PRCC: variants seen among roughly 807,000 people sequenced by gnomAD.
PRCC encodes proline rich mitotic checkpoint control factor, also known as proline-rich protein PRCC.
PRCC carries 10 observed loss-of-function variants against 44.0 expected under a neutral mutation model. The ratio of observed to expected loss-of-function variants is 0.23; its 90% CI spans 0.14 to 0.39. PRCC has a LOEUF of 0.39. Ranked by LOEUF, PRCC falls within the 10% of genes least tolerant of loss-of-function variation. PRCC has a pLI of 1.00. For synonymous variants in PRCC, 278 were observed against 259.5 expected (o/e 1.07, Z -0.69); for missense variants, 573 against 624.7 (o/e 0.92, Z 0.88).
chr1:156,769,651 G>A (rs182643810), intron 1 of PRCC, among the ~76,000 whole-genome samples: 1 of 151,898 alleles, frequency 6.6e-6, no homozygotes, highest in East Asian at 1.9e-4. Flanking sequence ...CCAGGCTGCA[G>A]TGCAGTGGCA....
intron 3 of PRCC, chr1:156,791,224 C>A: frequency 8.5e-7 from 1 of 1,176,428 alleles, no homozygotes; most frequent in Non-Finnish European, 1.2e-6. Flanking sequence ...CCTCCCCACC[C>A]GGTTTAGACT....
Position 156,786,906 on chromosome 1 carries a change from C to T in PRCC, c.815C>T (p.Ala272Val), listed in dbSNP as rs776432747. Reference sequence around the variant, plus strand: ...GAAGACGACAGTGATGAGGAAGTAGCCCCCGAAAACTTTTTCTCCCTCCCT... The same window carrying T: ...GAAGACGACAGTGATGAGGAAGTAGTCCCCGAAAACTTTTTCTCCCTCCCT... ...QEEDDSDEEV[A>V]PENFFSLPEK... The change falls in exon 3 of 7, where the codon GCC becomes GTC. Residue 272 changes from alanine to valine, a missense_variant. Coordinates refer to ENST00000271526, the MANE Select transcript of PRCC (RefSeq NM_005973.5). 2 of 1,614,080 alleles carry T rather than the reference C, an allele frequency of 1.2e-6. No individual in the cohort carries two copies. The highest frequency in any genetic ancestry group is 1.7e-5 in the Admixed American group (1 of 60,006).
At chr1:156,774,160 T>TTTG (rs2102754159) in intron 1 of PRCC, among the ~76,000 whole-genome samples, 1 of 27,000 alleles carries the variant, frequency 3.7e-5, no homozygotes, top group African/African-American at 1.3e-4. Flanking sequence ...GAGTCACCTT[T>TTTG]TTTTTTTTTT....
intron 2 of PRCC, among the ~76,000 whole-genome samples, chr1:156,785,437 T>C (rs1016327151): frequency 8.6e-5 from 13 of 151,418 alleles, no homozygotes; most frequent in African/African-American, 2.9e-4. Context: ...TGCTTGAACC[T>C]GGGAGGCGGA....
intron 1 of PRCC, among the ~76,000 whole-genome samples, chr1:156,771,947 T>A (rs1651651876): frequency 6.6e-6 from 1 of 152,184 alleles, no homozygotes; most frequent in Non-Finnish European, 1.5e-5. Context: ...ATTCATTTTT[T>A]AAAAAATTTG....
intron 1 of PRCC, among the ~76,000 whole-genome samples, chr1:156,773,177 C>A (rs991771725): frequency 6.6e-6 from 1 of 152,006 alleles, no homozygotes; most frequent in African/African-American, 2.4e-5. Context: ...GCTTAGGGGG[C>A]GTCTGTTCTT....
chr1:156,786,717 C>G lies in PRCC; in HGVS notation c.626C>G (p.Ser209Trp). The change falls in exon 3 of 7, where the codon TCG becomes TGG. Residue 209 changes from serine to tryptophan, a missense_variant. Ser to Trp is a radical substitution (Grantham distance 177). Coordinates refer to ENST00000271526, the MANE Select transcript of PRCC (RefSeq NM_005973.5). ...LLPHAFSRKPSDGSPDTKPSR... is the reference protein window; with the variant it reads ...LLPHAFSRKPWDGSPDTKPSR... ...CCCCATGCCTTCTCCCGCAAACCCTCGGATGGCTCCCCTGATACTAAGCCC... is the reference window on the plus strand; with the variant it reads ...CCCCATGCCTTCTCCCGCAAACCCTGGGATGGCTCCCCTGATACTAAGCCC... 3 of 1,614,190 alleles carry G rather than the reference C, an allele frequency of 1.9e-6. No homozygotes were observed. Among genetic ancestry groups the G allele is most frequent in the Non-Finnish European group, 2.5e-6 (3 of 1,180,036 alleles).
At chr1:156,774,875 C>T (rs1238786317) in intron 1 of PRCC, among the ~76,000 whole-genome samples, 1 of 150,650 alleles carries the variant, frequency 6.6e-6, no homozygotes, top group African/African-American at 2.5e-5. Flanking sequence ...TGCTTGAACC[C>T]GGAAGGCAGA....
chr1:156,787,446 GATTGAT>G (rs1333330446), intron 3 of PRCC, among the ~76,000 whole-genome samples: 11 of 111,800 alleles, frequency 9.8e-5, no homozygotes, highest in African/African-American at 4.2e-4. Flanking sequence ...ACATATTTGT[GATTGAT>G]ATATATATAT....
intron 2 of PRCC, among the ~76,000 whole-genome samples, chr1:156,785,657 T>C (rs1439405701): frequency 1.3e-5 from 2 of 151,776 alleles, no homozygotes; most frequent in East Asian, 3.9e-4. Context: ...AGGAGAGCAA[T>C]TTAAAGGGTT....
intron 1 of PRCC, among the ~76,000 whole-genome samples, chr1:156,779,124 ATATATTTTTTTTTTTTTTTTT>A (rs1266515284): frequency 1.2e-4 from 3 of 25,186 alleles, no homozygotes; most frequent in African/African-American, 3.2e-4. Flanking sequence ...ATATATATAT[ATATATTTTTTTTTTTTTTTTT>A]TTTTTTTTTT....
At position 156,786,868 on chromosome 1, in the gene PRCC, G is replaced by T. The variant is rs1652265086; in HGVS notation, c.777G>T (p.Gln259His). 1 of 1,614,228 alleles carries T rather than the reference G, an allele frequency of 6.2e-7. No individual in the cohort carries two copies. The highest frequency in any genetic ancestry group is 8.5e-7 in the Non-Finnish European group (1 of 1,180,046). ...AKSAALQVTK[Q>H]ITQEEDDSDE... ...GTGCTGCCCTGCAGGTGACAAAGCAGATCACGCAGGAAGAAGACGACAGTG... is the reference window on the plus strand; with the variant it reads ...GTGCTGCCCTGCAGGTGACAAAGCATATCACGCAGGAAGAAGACGACAGTG... The change falls in exon 3 of 7, where the codon CAG (glutamine) becomes CAT (histidine). Residue 259 changes from glutamine to histidine, a missense_variant. Gln to His is a conservative substitution (Grantham distance 24, BLOSUM62 0). Coordinates refer to ENST00000271526, the MANE Select transcript of PRCC (RefSeq NM_005973.5).
At chr1:156,768,919 C>G (rs1162813682) in intron 1 of PRCC, among the ~76,000 whole-genome samples, 2 of 152,274 alleles carry the variant, frequency 1.3e-5, no homozygotes, top group Middle Eastern at 3.4e-3. Flanking sequence ...CTCTCTGAAC[C>G]TCAGATCTGT....
chr1:156,781,876 A>T (rs1652062904), intron 1 of PRCC, among the ~76,000 whole-genome samples: 1 of 152,230 alleles, frequency 6.6e-6, no homozygotes, highest in South Asian at 2.1e-4. Context: ...TGAAGCTGAG[A>T]TTGGGTGAGG....
intron 3 of PRCC, chr1:156,791,108 C>T: frequency 7.1e-7 from 1 of 1,417,442 alleles, no homozygotes; most frequent in Non-Finnish European, 9.5e-7. Context: ...TAAGGGGAAT[C>T]ATGAGATTCC....
chr1:156,797,515 A>G (rs1229948468), intron 6 of PRCC, among the ~76,000 whole-genome samples, 174 bp downstream of exon 6: 2 of 152,226 alleles, frequency 1.3e-5, no homozygotes, highest in Admixed American at 1.3e-4. Context: ...CTTCAGAATT[A>G]TCCTGCTCTA....
At chr1:156,769,296 C>T (rs1651535571) in intron 1 of PRCC, among the ~76,000 whole-genome samples, 1 of 152,216 alleles carries the variant, frequency 6.6e-6, no homozygotes, top group Non-Finnish European at 1.5e-5. Context: ...CCCTAGCCTA[C>T]TATGTATTTA....
At chr1:156,794,869 T>A in intron 5 of PRCC, 61 bp downstream of exon 5, 1 of 1,599,330 alleles carries the variant, frequency 6.3e-7, no homozygotes. Flanking sequence ...AATCTTGTCT[T>A]ACTCCCCGTC....
chr1:156,794,896 T>C, intron 5 of PRCC, 88 bp downstream of exon 5: 3 of 1,526,986 alleles, frequency 2.0e-6, no homozygotes, highest in Non-Finnish European at 2.7e-6. Flanking sequence ...CCACACCCCA[T>C]TGTTATTGTC....
Sources: gnomAD v4.1 joint callset for allele counts (sites outside exome capture counted in the v4.1 genomes callset) on GRCh38, gnomAD v4.1.1 for gene constraint, MANE v1.5 for transcripts, NCBI Gene and HGNC (gene_info 2026-07-23, HGNC 2026-07-21) for gene names.